Variants in DHX34 observed in about 807,000 individuals in gnomAD.
DHX34 encodes the protein probable ATP-dependent RNA helicase DHX34.
A neutral mutation model predicts 111.1 loss-of-function variants in DHX34; 96 were observed. The ratio of observed to expected loss-of-function variants is 0.86; its 90% CI spans 0.73 to 1.02. DHX34 has a LOEUF of 1.02. Among genes scored for constraint, DHX34 ranks in the 50% least tolerant of loss-of-function variants. The pLI is 0.00. For synonymous variants in DHX34, 688 were observed against 670.4 expected (o/e 1.03, Z -0.41); for missense variants, 1,560 against 1,579.9 (o/e 0.99, Z 0.21).
In DHX34 at chr19:47,379,915, A is replaced by G. The variant is rs748262483; in HGVS notation, c.2912A>G (p.Glu971Gly). 2 of 1,610,670 alleles carry G rather than the reference A, an allele frequency of 1.2e-6. No individual in the cohort carries two copies. The highest frequency in any genetic ancestry group is 2.2e-5 in the South Asian group (2 of 90,954). Residue 971 changes from glutamate (E) to glycine (G), a missense_variant, in exon 14 of 17, where the codon GAG becomes GGG. Glu to Gly is a moderately conservative substitution (Grantham distance 98). Coordinates refer to ENST00000328771, the MANE Select transcript of DHX34 (RefSeq NM_014681.6). ...CAGCAGCAGCTGGAGGAGGAGGAGGAGGATACGCCAGTCAGCCCCAAGGAG... is the reference window on the plus strand; with the variant it reads ...CAGCAGCAGCTGGAGGAGGAGGAGGGGGATACGCCAGTCAGCCCCAAGGAG... ...QAQQQLEEEE[E>G]DTPVSPKEVA...
At position 47,377,145 on chromosome 19, in the gene DHX34, T is replaced by A. The variant is rs899594465; in HGVS notation, c.2645T>A (p.Val882Glu). 3.1e-6 allele frequency: 5 copies of A among 1,613,950 alleles called. No homozygotes were observed. Among genetic ancestry groups the A allele is most frequent in the Non-Finnish European group, 4.2e-6 (5 of 1,179,962 alleles). ...MSSKHQLLSFVSLLETNKPYL... is the reference protein window; with the variant it reads ...MSSKHQLLSFESLLETNKPYL... The stretch of plus-strand genomic sequence containing the variant: ...AGCAAACACCAGCTCCTCAGCTTCG[T>A]GTCCCTGCTGGAGACCAACAAGCCG... The change falls in exon 13 of 17, where the codon GTG becomes GAG. Residue 882 changes from valine (V) to glutamate (E), a missense_variant. Physicochemically the swap from Val to Glu is moderately radical, Grantham distance 121 (BLOSUM62 -2). Transcript: ENST00000328771.
intron 13 of DHX34, 66 bp downstream of exon 13, chr19:47,377,272 TGGGGGCACCGCGTGGGCTTGGA>T (rs1279405040): frequency 5.2e-6 from 8 of 1,525,808 alleles, no homozygotes; most frequent in Non-Finnish European, 5.3e-6. Flanking sequence ...GGGTGGTGGG[TGGGGGCACCGCGTGGGCTTGGA>T]GGGGCCACCT....
chr19:47,376,682 C>A, intron 12 of DHX34, 122 bp downstream of exon 12: 1 of 1,463,462 alleles, frequency 6.8e-7, no homozygotes, highest in Non-Finnish European at 9.1e-7. Context: ...GACGGGGGCC[C>A]ACAGGAGGGG....
intron 3 of DHX34, among the ~76,000 whole-genome samples, chr19:47,355,842 A>G (rs1168192915): frequency 6.6e-6 from 1 of 151,784 alleles, no homozygotes; most frequent in East Asian, 1.9e-4. Context: ...ACAGAGTGAG[A>G]CTTTGTCTCA....
At chr19:47,375,404 C>A in intron 9 of DHX34, 62 bp from the exon 10 acceptor site, 1 of 1,480,682 alleles carries the variant, frequency 6.8e-7, no homozygotes, top group Non-Finnish European at 8.9e-7. Flanking sequence ...GTCCCCATTT[C>A]CATGAGTCCA....
chr19:47,375,464 A>G lies in DHX34; in HGVS notation c.2065-2A>G. On this transcript the variant is annotated splice_acceptor_variant, in intron 9 of 16. Transcript: ENST00000328771. LOFTEE classifies it high-confidence loss of function. ...CCCTCACCCCTACCCACCTGCCCCTAGGAGCTGTTGGAGGACCACGGGCTG... is the reference window on the plus strand; with the variant it reads ...CCCTCACCCCTACCCACCTGCCCCTGGGAGCTGTTGGAGGACCACGGGCTG... The G allele has an allele frequency of 1.3e-6, 2 of 1,582,336 alleles. No individual in the cohort carries two copies. Among genetic ancestry groups the G allele is most frequent in the Non-Finnish European group, 1.7e-6 (2 of 1,171,636 alleles).
At position 47,382,274 on chromosome 19, in the gene DHX34, C is replaced by CT; in HGVS notation, c.*162dup. On this transcript the variant is annotated 3_prime_UTR_variant, in exon 17 of 17. Coordinates refer to ENST00000328771, the MANE Select transcript of DHX34 (RefSeq NM_014681.6). ...CGGATTGTGAATAAAGCCTCACATGCTGATACACACTGTTAGGCCTGCACC... is the reference window on the plus strand; with the variant it reads ...CGGATTGTGAATAAAGCCTCACATGCTTGATACACACTGTTAGGCCTGCACC... 7.8e-7 allele frequency: 1 copy of CT among 1,276,900 alleles called. No individual in the cohort carries two copies. Among genetic ancestry groups the CT allele is most frequent in the Non-Finnish European group, 1.0e-6 (1 of 956,650 alleles). The allele number at this position is 1,276,900 out of a possible 1,614,324, so 79.1% of individuals were successfully genotyped here.
chr19:47,357,667 A>G (rs1599755615), intron 3 of DHX34, 199 bp from the exon 4 acceptor site: 4 of 827,908 alleles, frequency 4.8e-6, no homozygotes, highest in Non-Finnish European at 5.8e-6. Context: ...CTGCCCAATG[A>G]GATGGTGGCA....
In DHX34 at chr19:47,380,147, G is replaced by T. The variant is rs905625974; in HGVS notation, c.2982+162G>T. On this transcript the variant is annotated intron_variant, in intron 14 of 16. Coordinates refer to ENST00000328771, the MANE Select transcript of DHX34 (RefSeq NM_014681.6). ...GTCACTTACACAAGGTCACTCCACT[G>T]GTCTGGGTGGAGCTAGGATTTGATC... is the stretch of plus-strand genomic sequence containing the variant. Among the ~76,000 whole-genome samples, 2 of 152,184 alleles carry T rather than the reference G, an allele frequency of 1.3e-5. 1 individual carries two copies.
rs758220295 is a variant in DHX34, at chr19:47,353,351, CCT to C, written c.326_327del (p.Ser109CysfsTer23). ...RTYDPRYRIN[L>X]SVLGPATRGS... is the part of the protein sequence containing the mutation. The stretch of plus-strand genomic sequence containing the variant: ...CTTACGACCCACGTTACCGCATCAA[CCT>C]CTCTGTTCTTGGCCCTGCCACGCGG... On this transcript the variant is annotated frameshift_variant, in exon 2 of 17. Transcript: ENST00000328771. LOFTEE classifies it high-confidence loss of function. This position sits in a 1 kb window ranked among gnomAD's most constrained non-coding sequence, Gnocchi z 4.6. The C allele has an allele frequency of 1.2e-6, 2 of 1,614,206 alleles. No homozygotes were observed. Among genetic ancestry groups the C allele is most frequent in the South Asian group, 1.1e-5 (1 of 91,086 alleles).
intron 1 of DHX34, 37 bp from the exon 2 acceptor site, chr19:47,352,717 C>T: frequency 3.1e-6 from 1 of 326,376 alleles, no homozygotes; most frequent in Non-Finnish European, 5.6e-6. Context: ...GCAATGTTCC[C>T]AAAAGAGAAT....
chr19:47,370,707 C>T (rs889096780), intron 7 of DHX34, among the ~76,000 whole-genome samples: 7 of 152,286 alleles, frequency 4.6e-5, no homozygotes, highest in Admixed American at 1.3e-4. Context: ...GATGGAGTTT[C>T]ACTCTGTCCT....
rs1489045038 is a variant in DHX34 at position 47,376,472 on chromosome 19, C to T, written c.2511C>T (p.Ala837=). ...TCCACACGCAGGCCAAGCAGGGCGC[C>T]GTGCTGCACCCCACCTGCGTCTTCG... ...QIFHTQAKQG[A]VLHPTCVFAG... The change falls in exon 12 of 17, where the codon GCC becomes GCT. Residue 837 remains alanine, a synonymous_variant. Transcript: ENST00000328771. 29 of 1,611,148 alleles carry T rather than the reference C, an allele frequency of 1.8e-5. No homozygotes were observed. Among genetic ancestry groups the T allele is most frequent in the Non-Finnish European group, 2.2e-5 (26 of 1,179,056 alleles).
At chr19:47,359,331 A>G (rs745328617) in intron 4 of DHX34, among the ~76,000 whole-genome samples, 3 of 151,336 alleles carry the variant, frequency 2.0e-5, no homozygotes, top group African/African-American at 7.3e-5. Context: ...GCATGGTGGC[A>G]TGTGCCTATA....
intron 6 of DHX34, among the ~76,000 whole-genome samples, chr19:47,366,145 G>C (rs1969779095): frequency 6.6e-6 from 1 of 152,182 alleles, no homozygotes; most frequent in Non-Finnish European, 1.5e-5. Flanking sequence ...GAAGGATTCT[G>C]ATTGGTCCAG....
chr19:47,373,471 TGA>T, intron 8 of DHX34, 126 bp from the exon 9 acceptor site: 1 of 1,459,276 alleles, frequency 6.9e-7, no homozygotes, highest in Non-Finnish European at 9.0e-7. Flanking sequence ...GCACTGGGGC[TGA>T]GACCTGGAAG....
intron 6 of DHX34, among the ~76,000 whole-genome samples, chr19:47,364,107 A>G (rs1969716678): frequency 6.6e-6 from 1 of 152,040 alleles, no homozygotes; most frequent in African/African-American, 2.4e-5. Flanking sequence ...TGGCTCTATA[A>G]TCTCCCCAGG....
At position 47,382,503 on chromosome 19, in the gene DHX34, A is replaced by T. The variant is rs2547378; in HGVS notation, c.*390A>T. On this transcript the variant is annotated 3_prime_UTR_variant, in exon 17 of 17. Coordinates refer to ENST00000328771, the MANE Select transcript of DHX34 (RefSeq NM_014681.6). ...CTTGAGTCCATCCTCAGTCTCTCCT[A>T]CCCCTTGAAGTAGGGGGACCCTGAA... The T allele has an allele frequency of 0.12, 23,247 of 186,770 alleles. 1,802 individuals are homozygous for T. Among genetic ancestry groups the T allele is most frequent in the African/African-American group, 0.24 (10,011 of 42,172 alleles). 11.6% of individuals were successfully genotyped at this position (186,770 alleles called of 1,614,324 possible). A position where few individuals can be genotyped will look rare whatever the true frequency, so the allele number is the denominator to read the frequency against.
intron 13 of DHX34, among the ~76,000 whole-genome samples, chr19:47,378,319 G>T (rs564058895): frequency 6.6e-6 from 1 of 152,202 alleles, no homozygotes; most frequent in African/African-American, 2.4e-5. Flanking sequence ...TCTGGGGCCG[G>T]GGGTGCAGCT....
Sources: gnomAD v4.1 joint callset for allele counts (sites outside exome capture counted in the v4.1 genomes callset) on GRCh38, gnomAD v4.1.1 for gene constraint, Gnocchi (gnomAD v3.1) non-coding constraint, MANE v1.5 for transcripts, NCBI Gene and HGNC (gene_info 2026-07-23, HGNC 2026-07-21) for gene names.